DIAPH3: variants seen among roughly 807,000 people sequenced by gnomAD.
The protein encoded by DIAPH3 is protein diaphanous homolog 3.
DIAPH3 carries 117 observed loss-of-function variants against 144.3 expected under a neutral mutation model. The observed-to-expected ratio is 0.81, with a 90% CI of 0.70 to 0.95. The LOEUF (loss-of-function observed/expected upper bound fraction) is 0.95, where lower values mean the gene tolerates loss of function less well. Among genes scored for constraint, DIAPH3 ranks in the 40% least tolerant of loss-of-function variants. The probability of loss-of-function intolerance (pLI) is 0.00; values close to 1 mark genes in which losing one functional copy is unlikely to be tolerated. For synonymous variants in DIAPH3, 519 were observed against 488.9 expected (o/e 1.06, Z -0.81); for missense variants, 1,421 against 1,412.7 (o/e 1.01, Z -0.09).
At chr13:60,129,217 T>C (rs1232532751) in intron 2 of DIAPH3, among the ~76,000 whole-genome samples, 1 of 152,076 alleles carries the variant, frequency 6.6e-6, no homozygotes, top group Non-Finnish European at 1.5e-5. Context: ...CAAACCTGTC[T>C]CCCCTCACTC....
chr13:59,825,495 T>G (rs529004343), intron 24 of DIAPH3, among the ~76,000 whole-genome samples: 1 of 152,326 alleles, frequency 6.6e-6, no homozygotes, highest in South Asian at 2.1e-4. Context: ...ACAATAAACA[T>G]ATGGGTGCAT....
chr13:59,973,624 A>G (rs2050512155), intron 15 of DIAPH3, among the ~76,000 whole-genome samples: 1 of 152,070 alleles, frequency 6.6e-6, no homozygotes, highest in Non-Finnish European at 1.5e-5. Flanking sequence ...AGAAAACAAA[A>G]TTGCCAGTAA....
At chr13:60,129,791 T>C (rs945264897) in intron 2 of DIAPH3, among the ~76,000 whole-genome samples, 1 of 152,218 alleles carries the variant, frequency 6.6e-6, no homozygotes. Flanking sequence ...TGGCAAATGC[T>C]GCCCTGAGCT....
At chr13:59,701,521 G>A (rs186216354) in intron 27 of DIAPH3, among the ~76,000 whole-genome samples, 6 of 152,264 alleles carry the variant, frequency 3.9e-5, no homozygotes, top group Admixed American at 3.9e-4. Flanking sequence ...TTCCCAGCAC[G>A]TCATATAGGT....
rs913532733 is a variant in DIAPH3, at chr13:60,136,894, T to G, written c.181-3905A>C. On this transcript the variant is annotated intron_variant, in intron 1 of 27. Transcript: ENST00000400324. ...GGCGGAGCTTGCAGTGAGCCGAGAT[T>G]GTGCCACTGCACTCCAGCCTGGGCG... is the stretch of plus-strand genomic sequence containing the variant. 9.2e-5 allele frequency among the ~76,000 whole-genome samples: 14 copies of G among 151,976 alleles called. No individual in the cohort carries two copies. The East Asian group carries it at 2.5e-3, about 27-fold the overall frequency.
chr13:59,925,441 T>C (rs1464325067), intron 17 of DIAPH3, among the ~76,000 whole-genome samples: 2 of 152,200 alleles, frequency 1.3e-5, no homozygotes, highest in East Asian at 1.9e-4. Flanking sequence ...TGATGTACTA[T>C]TGGATTTGTT....
At chr13:59,680,527 C>T (rs924149377) in intron 27 of DIAPH3, among the ~76,000 whole-genome samples, 13 of 151,786 alleles carry the variant, frequency 8.6e-5, no homozygotes, top group Admixed American at 8.5e-4. Context: ...ACTTGCAGAA[C>T]CCTGTTATTA....
At chr13:59,944,457 T>C (rs1018857912) in intron 17 of DIAPH3, among the ~76,000 whole-genome samples, 1 of 152,184 alleles carries the variant, frequency 6.6e-6, no homozygotes, top group Non-Finnish European at 1.5e-5. Flanking sequence ...AAGTTTTCCA[T>C]ACAGTGTAGA....
At chr13:59,811,736 CAAAAAAAAAAA>C (rs59712985) in intron 24 of DIAPH3, among the ~76,000 whole-genome samples, 1 of 56,766 alleles carries the variant, frequency 1.8e-5, no homozygotes, top group Non-Finnish European at 3.6e-5. Flanking sequence ...GACTCTGTCT[CAAAAAAAAAAA>C]AAAAAAAAAA....
chr13:60,083,176 G>A (rs2057621503), intron 4 of DIAPH3, among the ~76,000 whole-genome samples: 1 of 151,726 alleles, frequency 6.6e-6, no homozygotes, highest in South Asian at 2.1e-4. Context: ...GCCAAAGATG[G>A]GACAATTTGA....
At chr13:60,075,562 T>A (rs2057351902) in intron 4 of DIAPH3, among the ~76,000 whole-genome samples, 1 of 152,206 alleles carries the variant, frequency 6.6e-6, no homozygotes, top group Admixed American at 6.5e-5. Context: ...TTATCTAGCC[T>A]CATAAAGTAA....
intron 11 of DIAPH3, among the ~76,000 whole-genome samples, chr13:59,991,692 G>C (rs1419574347): frequency 6.6e-6 from 1 of 151,940 alleles, no homozygotes; most frequent in Non-Finnish European, 1.5e-5. Flanking sequence ...CAGACCCACA[G>C]ATTAACATGC....
At chr13:59,797,670 A>G (rs951365839) in intron 25 of DIAPH3, among the ~76,000 whole-genome samples, 1 of 152,188 alleles carries the variant, frequency 6.6e-6, no homozygotes, top group African/African-American at 2.4e-5. Flanking sequence ...TGTTTGGGCT[A>G]GTTTTAGATG....
chr13:59,928,495 CCT>C, intron 17 of DIAPH3, among the ~76,000 whole-genome samples: 1 of 152,204 alleles, frequency 6.6e-6, no homozygotes. Context: ...CTGTGCACCT[CCT>C]CTAATAATCA....
chr13:59,788,276 T>C (rs1198009318), intron 25 of DIAPH3, among the ~76,000 whole-genome samples: 1 of 152,038 alleles, frequency 6.6e-6, no homozygotes, highest in African/African-American at 2.4e-5. Flanking sequence ...TGCTGAAAAA[T>C]ATAAAACTAA....
chr13:59,992,053 A>G lies in DIAPH3; in HGVS notation c.1244+15T>C, dbSNP rs2051855726. 1.3e-6 allele frequency: 2 copies of G among 1,596,638 alleles called. No homozygotes were observed. The highest frequency in any genetic ancestry group is 2.2e-5 in the South Asian group (2 of 90,732). ...TTTATATATGATTTGACTAGACTTC[A>G]GAACAAAAGGATATTCAAGTTCAGC... On this transcript the variant is annotated intron_variant, in intron 11 of 27. Coordinates refer to ENST00000400324, the MANE Select transcript of DIAPH3 (RefSeq NM_001042517.2).
intron 21 of DIAPH3, among the ~76,000 whole-genome samples, chr13:59,875,698 C>A (rs533552366): frequency 1.3e-5 from 2 of 152,112 alleles, no homozygotes; most frequent in African/African-American, 4.8e-5. Context: ...ACCAAAAAGT[C>A]AAGCACCTAT....
chr13:60,126,317 T>A (rs986169431), intron 2 of DIAPH3, among the ~76,000 whole-genome samples: 4 of 152,164 alleles, frequency 2.6e-5, no homozygotes, highest in Admixed American at 1.3e-4. Flanking sequence ...AAGCAGCATA[T>A]GATTATATCA....
chr13:59,954,162 AAAAAGTAAATTCT>A (rs2049252952), intron 17 of DIAPH3, among the ~76,000 whole-genome samples: 1 of 152,212 alleles, frequency 6.6e-6, no homozygotes, highest in African/African-American at 2.4e-5. Flanking sequence ...TTATGAAGTC[AAAAAGTAAATTCT>A]TGATTTTCAA....
Sources: allele counts gnomAD v4.1 joint callset (sites outside exome capture counted in the v4.1 genomes callset), GRCh38; gene constraint gnomAD v4.1.1; transcripts MANE v1.5; gene names NCBI Gene and HGNC (gene_info 2026-07-23, HGNC 2026-07-21).